Variants in UNC13C observed in about 807,000 individuals in gnomAD.
UNC13C encodes the protein protein unc-13 homolog C.
A neutral mutation model predicts 245.4 loss-of-function variants in UNC13C; 174 were observed. That is an observed-to-expected ratio of 0.71 (90% confidence interval 0.63 to 0.80). The LOEUF is 0.80. UNC13C is among the 30% of genes least tolerant of loss of function. The pLI, the probability that UNC13C is intolerant of heterozygous loss-of-function variation, is 0.00. For missense variants in UNC13C, 2,829 were observed against 2,602.9 expected, an observed-to-expected ratio of 1.09 and a Z score of -1.89; for synonymous variants, 992 against 895.1, an observed-to-expected ratio of 1.11 and a Z score of -1.93.
intron 6 of UNC13C, 94 bp downstream of exon 6, chr15:54,236,529 A>G (rs2035705537): frequency 2.1e-6 from 2 of 937,312 alleles, no homozygotes; most frequent in Non-Finnish European, 3.2e-6. Flanking sequence ...AAGAATGGAG[A>G]AATGAAAAGA....
chr15:54,021,662 T>A (rs563543653), intron 2 of UNC13C, among the ~76,000 whole-genome samples: 1 of 152,328 alleles, frequency 6.6e-6, no homozygotes, highest in East Asian at 1.9e-4. Context: ...AGTGCAGCTA[T>A]CTCTTTGAAA....
intron 19 of UNC13C, among the ~76,000 whole-genome samples, chr15:54,428,666 G>T (rs987963832): frequency 6.6e-6 from 1 of 151,540 alleles, no homozygotes; most frequent in Non-Finnish European, 1.5e-5. Flanking sequence ...CATGTGGAAG[G>T]TAGGTACCTA....
chr15:54,514,334 T>G (rs1894875943), intron 24 of UNC13C, among the ~76,000 whole-genome samples: 1 of 152,192 alleles, frequency 6.6e-6, no homozygotes, highest in Non-Finnish European at 1.5e-5. Context: ...AATTCCCAGT[T>G]TTTTCCTTAC....
chr15:54,282,787 A>G (rs2037032827), intron 10 of UNC13C, among the ~76,000 whole-genome samples: 1 of 152,082 alleles, frequency 6.6e-6, no homozygotes, highest in Non-Finnish European at 1.5e-5. Context: ...GGAGAATTCT[A>G]TTGAGTGATG....
intron 1 of UNC13C, among the ~76,000 whole-genome samples, chr15:53,991,985 A>G (rs892170144): frequency 1.3e-5 from 2 of 152,042 alleles, no homozygotes; most frequent in African/African-American, 4.8e-5. Flanking sequence ...GGCATTATAT[A>G]GTATATTCAC....
intron 27 of UNC13C, 62 bp downstream of exon 27, chr15:54,546,907 G>T: frequency 7.1e-7 from 1 of 1,409,314 alleles, no homozygotes; most frequent in South Asian, 1.4e-5. Flanking sequence ...TAAGTGAATG[G>T]TTTTCATCCA....
chr15:54,032,012 G>A (rs1029060502), intron 2 of UNC13C, among the ~76,000 whole-genome samples: 8 of 152,092 alleles, frequency 5.3e-5, no homozygotes, highest in South Asian at 2.1e-4. Context: ...AATAGCTACC[G>A]GAAGTATTAA....
intron 10 of UNC13C, among the ~76,000 whole-genome samples, chr15:54,268,957 C>G (rs1490742055): frequency 6.6e-6 from 1 of 151,800 alleles, no homozygotes; most frequent in African/African-American, 2.4e-5. Context: ...GCCCTGTGAC[C>G]TCTAGCTGCC....
At chr15:54,420,240 T>C (rs2040610822) in intron 19 of UNC13C, among the ~76,000 whole-genome samples, 1 of 152,020 alleles carries the variant, frequency 6.6e-6, no homozygotes, top group African/African-American at 2.4e-5. Context: ...ACTGATGGGC[T>C]GGGGGATTGC....
At chr15:53,930,475 A>G in the UNC13C span, among the ~76,000 whole-genome samples, 4 of 152,222 alleles carry the variant, frequency 2.6e-5, no homozygotes, top group African/African-American at 9.6e-5. Context: ...TATCATTAAG[A>G]GTAGATTTTC....
At chr15:53,894,569 A>G in the UNC13C span, among the ~76,000 whole-genome samples, 1 of 152,186 alleles carries the variant, frequency 6.6e-6, no homozygotes, top group African/African-American at 2.4e-5. Flanking sequence ...TACGCCTTGA[A>G]TGGAGGCATG....
chr15:53,858,466 G>T, the UNC13C span, among the ~76,000 whole-genome samples: 10 of 151,584 alleles, frequency 6.6e-5, no homozygotes, highest in Admixed American at 2.6e-4. Context: ...TGTCGCCCAG[G>T]TTGGAGTGCA....
At chr15:54,591,118 A>G (rs926818744) in intron 30 of UNC13C, among the ~76,000 whole-genome samples, 1 of 152,198 alleles carries the variant, frequency 6.6e-6, no homozygotes, top group African/African-American at 2.4e-5. Flanking sequence ...ATGTTACACT[A>G]TCCCTGCATC....
chr15:54,388,346 A>C (rs1385130330), intron 17 of UNC13C, among the ~76,000 whole-genome samples: 1 of 152,156 alleles, frequency 6.6e-6, no homozygotes, highest in Non-Finnish European at 1.5e-5. Context: ...AACATTCAAC[A>C]CTGGAGAAAA....
the UNC13C span, among the ~76,000 whole-genome samples, chr15:53,849,579 A>G: frequency 6.6e-6 from 1 of 152,132 alleles, no homozygotes; most frequent in Non-Finnish European, 1.5e-5. Flanking sequence ...TCCTTTGAGC[A>G]CTTATATATT....
intron 10 of UNC13C, among the ~76,000 whole-genome samples, chr15:54,291,880 A>G (rs1436242361): frequency 6.6e-6 from 1 of 152,024 alleles, no homozygotes; most frequent in Non-Finnish European, 1.5e-5. Flanking sequence ...CCAACTTAAA[A>G]TGAAGGAGAA....
chr15:54,623,690 G>A (rs1296192570), intron 31 of UNC13C, 105 bp from the exon 32 acceptor site: 2 of 1,002,296 alleles, frequency 2.0e-6, no homozygotes, highest in Non-Finnish European at 2.9e-6. Context: ...TGTCAGTGGA[G>A]TTAGGGCACT....
intron 1 of UNC13C, among the ~76,000 whole-genome samples, chr15:53,996,888 A>G (rs1894661415): frequency 6.7e-6 from 1 of 149,644 alleles, no homozygotes; most frequent in African/African-American, 2.4e-5. Flanking sequence ...AAAATCTTAT[A>G]CACATTTGTT....
chr15:54,434,221 G>A lies in UNC13C; in HGVS notation c.4933+19154G>A, dbSNP rs915631483. Among the ~76,000 whole-genome samples, 6 of 151,864 alleles carry A rather than the reference G, an allele frequency of 4.0e-5. 1 individual carries two copies. The South Asian group carries it at 8.3e-4, about 21-fold the overall frequency. ...ACCATTGACTTTCTTCACAGAATTC[G>A]AAAAAGACTACCTTAAATTTCATAT... On this transcript the variant is annotated intron_variant, in intron 19 of 32. Transcript: ENST00000260323.
Sources: gnomAD v4.1 joint callset for allele counts (sites outside exome capture counted in the v4.1 genomes callset) on GRCh38, gnomAD v4.1.1 for gene constraint, MANE v1.5 for transcripts, NCBI Gene and HGNC (gene_info 2026-07-23, HGNC 2026-07-21) for gene names.